The following KIFAP3 variants were observed in gnomAD, a reference collection of about 807,000 sequenced individuals.
The protein encoded by KIFAP3 is kinesin associated protein 3, also known as kinesin-associated protein 3.
Under a neutral mutation model 106.5 loss-of-function variants are expected in KIFAP3, and 68 were observed. That is an observed-to-expected ratio of 0.64 (90% CI 0.53 to 0.78). The LOEUF is 0.78. Among genes scored for constraint, KIFAP3 ranks in the 30% least tolerant of loss-of-function variants. KIFAP3 has a pLI of 0.00. For synonymous variants in KIFAP3, 320 were observed against 311.5 expected (o/e 1.03, Z -0.29); for missense variants, 780 against 941.8 (o/e 0.83, Z 2.25).
chr1:170,035,500 C>CA lies in KIFAP3; in HGVS notation c.570dup (p.Val191CysfsTer28). The CA allele has an allele frequency of 1.2e-6, 2 of 1,610,032 alleles. No individual in the cohort carries two copies. Among genetic ancestry groups the CA allele is most frequent in the Non-Finnish European group, 1.7e-6 (2 of 1,177,886 alleles). On this transcript the variant is annotated frameshift_variant, in exon 6 of 20. Coordinates refer to ENST00000361580, the MANE Select transcript of KIFAP3 (RefSeq NM_014970.4). LOFTEE classifies it high-confidence loss of function. ...TAAATTATGTTTGTAGCTAACTCGA[C>CA]ACTTTGCTTCCAGTCTTCTCTCAGG...
At chr1:169,957,164 C>T (rs1665059483) in intron 18 of KIFAP3, among the ~76,000 whole-genome samples, 1 of 152,064 alleles carries the variant, frequency 6.6e-6, no homozygotes, top group Non-Finnish European at 1.5e-5. Flanking sequence ...ATTTATTCTC[C>T]AAATAAATCT....
intron 19 of KIFAP3, among the ~76,000 whole-genome samples, chr1:169,938,584 T>C (rs952333347): frequency 6.6e-6 from 1 of 152,118 alleles, no homozygotes; most frequent in African/African-American, 2.4e-5. Context: ...CCTTTAAAAC[T>C]TCTATTAAAC....
intron 19 of KIFAP3, among the ~76,000 whole-genome samples, chr1:169,931,915 T>C (rs541153271): frequency 1.3e-5 from 2 of 152,338 alleles, no homozygotes; most frequent in African/African-American, 4.8e-5. Context: ...CTCTTTAAAA[T>C]ATGAACTGTG....
Position 170,039,208 on chromosome 1 carries a change from T to C in KIFAP3, c.375+25A>G, listed in dbSNP as rs757186639. On this transcript the variant is annotated intron_variant, in intron 4 of 19. Transcript: ENST00000361580. ...AATATCTTATAATCCAGTCCTCTAT[T>C]AGATCAGAATGCATGCAGTCTTACC... 3.5e-6 allele frequency: 5 copies of C among 1,415,396 alleles called. No homozygotes were observed. In the African/African-American group the frequency reaches 5.7e-5, roughly 16 times the overall value. The allele number at this position is 1,415,396 out of a possible 1,614,324, so 87.7% of individuals were successfully genotyped here. A position where few individuals can be genotyped will look rare whatever the true frequency, so the allele number is the denominator to read the frequency against.
intron 16 of KIFAP3, among the ~76,000 whole-genome samples, chr1:169,976,763 C>A (rs180835065): frequency 2.0e-5 from 3 of 152,174 alleles, no homozygotes; most frequent in African/African-American, 7.2e-5. Context: ...GCCACCCAGG[C>A]TAGAATGCAG....
chr1:170,009,077 A>G (rs182398613), intron 10 of KIFAP3, among the ~76,000 whole-genome samples: 161 of 151,920 alleles, frequency 1.1e-3, no homozygotes, highest in African/African-American at 3.8e-3. Flanking sequence ...CTGAGAACAC[A>G]TGGACATCAC....
At chr1:170,060,250 G>C (rs1017151664) in intron 1 of KIFAP3, among the ~76,000 whole-genome samples, 1 of 152,080 alleles carries the variant, frequency 6.6e-6, no homozygotes, top group African/African-American at 2.4e-5. Context: ...ACATGATTGT[G>C]TATTTAGAAA....
At chr1:169,939,911 C>T (rs117771583) in intron 19 of KIFAP3, among the ~76,000 whole-genome samples, 1 of 152,078 alleles carries the variant, frequency 6.6e-6, no homozygotes, top group Non-Finnish European at 1.5e-5. Context: ...AGAGCACATG[C>T]AAGTCTTTTG....
At chr1:170,010,596 G>A (rs1231894146) in intron 10 of KIFAP3, among the ~76,000 whole-genome samples, 3 of 151,752 alleles carry the variant, frequency 2.0e-5, no homozygotes, top group Admixed American at 2.0e-4. Flanking sequence ...TAAACTTTGA[G>A]TGAAGTTATT....
intron 2 of KIFAP3, among the ~76,000 whole-genome samples, chr1:170,048,785 T>C (rs912187589): frequency 1.3e-5 from 2 of 151,944 alleles, no homozygotes; most frequent in Non-Finnish European, 2.9e-5. Flanking sequence ...TGAGGGACTG[T>C]GCTACCTGGC....
chr1:169,945,456 C>T (rs1303524483), intron 19 of KIFAP3, among the ~76,000 whole-genome samples: 1 of 152,188 alleles, frequency 6.6e-6, no homozygotes, highest in Non-Finnish European at 1.5e-5. Flanking sequence ...AGCCTGACAG[C>T]TCTGTGTAGC....
At chr1:170,045,853 A>C (rs985516688) in intron 3 of KIFAP3, among the ~76,000 whole-genome samples, 1 of 152,190 alleles carries the variant, frequency 6.6e-6, no homozygotes. Context: ...ATAGCACTAC[A>C]TGCTGACCAT....
intron 19 of KIFAP3, among the ~76,000 whole-genome samples, chr1:169,937,154 A>C (rs1421582166): frequency 1.3e-5 from 2 of 151,458 alleles, no homozygotes; most frequent in Non-Finnish European, 3.0e-5. Context: ...ATCTCAAAAA[A>C]TTATATTTTT....
At chr1:170,065,297 T>C (rs982847513) in intron 1 of KIFAP3, among the ~76,000 whole-genome samples, 15 of 152,160 alleles carry the variant, frequency 9.9e-5, no homozygotes, top group Admixed American at 6.5e-4. Flanking sequence ...AGTTGGGTCT[T>C]GCTTTTCTTT....
chr1:170,019,935 C>A (rs1342235974), intron 9 of KIFAP3, among the ~76,000 whole-genome samples: 1 of 152,108 alleles, frequency 6.6e-6, no homozygotes, highest in Admixed American at 6.6e-5. Flanking sequence ...TAGAAAATCT[C>A]CAAAATCTGT....
At chr1:170,025,377 A>G (rs1669050905) in intron 8 of KIFAP3, among the ~76,000 whole-genome samples, 1 of 152,126 alleles carries the variant, frequency 6.6e-6, no homozygotes, top group Admixed American at 6.5e-5. Flanking sequence ...TATGGTCAAT[A>G]TAGTCTTTTT....
chr1:170,034,643 G>A, intron 6 of KIFAP3, 147 bp from the exon 7 acceptor site: 1 of 401,436 alleles, frequency 2.5e-6, no homozygotes, highest in Non-Finnish European at 4.4e-6. Context: ...CAATACACTA[G>A]GAAGACTTGC....
At chr1:169,959,587 T>C (rs1435190449) in intron 18 of KIFAP3, among the ~76,000 whole-genome samples, 1 of 152,136 alleles carries the variant, frequency 6.6e-6, no homozygotes, top group Non-Finnish European at 1.5e-5. Context: ...TAAATTAATT[T>C]TGGAAATGTG....
intron 10 of KIFAP3, among the ~76,000 whole-genome samples, chr1:170,001,649 C>T (rs1435514087): frequency 6.6e-6 from 1 of 152,078 alleles, no homozygotes; most frequent in Non-Finnish European, 1.5e-5. Flanking sequence ...GAGTTGTGTT[C>T]TGAAACAGAT....
Sources: gnomAD v4.1 joint callset for allele counts (sites outside exome capture counted in the v4.1 genomes callset) on GRCh38, gnomAD v4.1.1 for gene constraint, MANE v1.5 for transcripts, NCBI Gene and HGNC (gene_info 2026-07-23, HGNC 2026-07-21) for gene names.